SEMA6A: variants seen among roughly 807,000 people sequenced by gnomAD.
SEMA6A encodes the protein semaphorin 6A.
A neutral mutation model predicts 96.8 loss-of-function variants in SEMA6A; 25 were observed. The observed-to-expected ratio is 0.26, with a 90% CI of 0.19 to 0.36. SEMA6A has a LOEUF of 0.36. Among genes scored for constraint, SEMA6A ranks in the 10% least tolerant of loss-of-function variants. The pLI, the probability that SEMA6A is intolerant of heterozygous loss-of-function variation, is 1.00. For synonymous variants in SEMA6A, 612 were observed against 518.0 expected, an observed-to-expected ratio of 1.18 and a Z score of -2.46; for missense variants, 1,363 against 1,323.1, an observed-to-expected ratio of 1.03 and a Z score of -0.47.
intron 1 of SEMA6A, among the ~76,000 whole-genome samples, chr5:116,523,078 C>A (rs895711388): frequency 6.6e-6 from 1 of 152,114 alleles, no homozygotes; most frequent in African/African-American, 2.4e-5. Context: ...ATCCCAGTAC[C>A]CTTTCTGGGA....
At chr5:116,485,845 T>C (rs963823622) in intron 10 of SEMA6A, among the ~76,000 whole-genome samples, 3 of 152,230 alleles carry the variant, frequency 2.0e-5, no homozygotes, top group Non-Finnish European at 4.4e-5. Context: ...TAGGATCATT[T>C]TCACACAACA....
chr5:116,478,631 G>T lies in SEMA6A; in HGVS notation c.1338C>A (p.Ile446=). Residue 446 remains isoleucine, a synonymous_variant, in exon 13 of 19, where the codon ATC becomes ATA. Transcript: ENST00000343348. ...TVVFLGSEKG[I]ILKFLARIGN... Reference sequence around the variant, plus strand: ...CTATTCTGGCCAAAAACTTCAAGATGATTCCCTTCTCTGATCCCAGAAAAA... The same window carrying T: ...CTATTCTGGCCAAAAACTTCAAGATTATTCCCTTCTCTGATCCCAGAAAAA... The T allele has an allele frequency of 6.2e-7, 1 of 1,613,628 alleles. No homozygotes were observed. Among genetic ancestry groups the T allele is most frequent in the Non-Finnish European group, 8.5e-7 (1 of 1,179,774 alleles).
At chr5:116,513,774 T>G (rs1396801444) in intron 1 of SEMA6A, among the ~76,000 whole-genome samples, 1 of 152,138 alleles carries the variant, frequency 6.6e-6, no homozygotes, top group Admixed American at 6.5e-5. Context: ...ATGCTCTCCC[T>G]CCTTCCATGC....
intron 1 of SEMA6A, among the ~76,000 whole-genome samples, chr5:116,520,350 C>G (rs1238830307): frequency 6.6e-6 from 1 of 151,590 alleles, no homozygotes; most frequent in Admixed American, 6.6e-5. Flanking sequence ...TCCTCCCCTC[C>G]ACTAGAATGT....
chr5:116,545,240 G>T (rs375153490), intron 1 of SEMA6A, among the ~76,000 whole-genome samples: 40 of 152,290 alleles, frequency 2.6e-4, no homozygotes, highest in African/African-American at 8.9e-4. Flanking sequence ...ATGGAGACAG[G>T]ACACAGTAGC....
At position 116,480,222 on chromosome 5, in the gene SEMA6A, A is replaced by T; in HGVS notation, c.1150T>A (p.Phe384Ile). ...SLERYATSNE[F>I]PDDTLNFIKT... Reference sequence around the variant, plus strand: ...ATGAAGTTCAGGGTATCATCAGGGAACTCATTGGAGGTTGCATATCTTTCT... The same window carrying T: ...ATGAAGTTCAGGGTATCATCAGGGATCTCATTGGAGGTTGCATATCTTTCT... The change falls in exon 12 of 19, where the codon TTC becomes ATC. Residue 384 changes from phenylalanine (F) to isoleucine (I), a missense_variant. By Grantham distance (21) the Phe-to-Ile change is conservative. Transcript: ENST00000343348. 5 of 1,613,806 alleles carry T rather than the reference A, an allele frequency of 3.1e-6. No homozygotes were observed. Among genetic ancestry groups the T allele is most frequent in the Non-Finnish European group, 3.4e-6 (4 of 1,179,774 alleles).
At chr5:116,456,560 A>G (rs1479270973) in intron 18 of SEMA6A, among the ~76,000 whole-genome samples, 1 of 152,164 alleles carries the variant, frequency 6.6e-6, no homozygotes, top group East Asian at 1.9e-4. Flanking sequence ...AAAAGAATCA[A>G]CCCAATTTGC....
intron 1 of SEMA6A, among the ~76,000 whole-genome samples, chr5:116,533,512 C>A (rs946214475): frequency 6.6e-6 from 1 of 152,132 alleles, no homozygotes; most frequent in Non-Finnish European, 1.5e-5. Context: ...ATTTAGAAAG[C>A]CCTTTTTATT....
At chr5:116,566,138 A>AT (rs765370419) in intron 1 of SEMA6A, among the ~76,000 whole-genome samples, 52 of 152,302 alleles carry the variant, frequency 3.4e-4, no homozygotes, top group Middle Eastern at 6.8e-3. Context: ...TTTTCATTGT[A>AT]TTTAATGCCA....
At chr5:116,570,808 C>G (rs898057432) in intron 1 of SEMA6A, among the ~76,000 whole-genome samples, 2 of 152,214 alleles carry the variant, frequency 1.3e-5, no homozygotes, top group Non-Finnish European at 2.9e-5. Flanking sequence ...AGGAGTGCAA[C>G]TACCCATTTA....
At chr5:116,573,704 G>A (rs1440349269) in intron 1 of SEMA6A, among the ~76,000 whole-genome samples, 1 of 152,042 alleles carries the variant, frequency 6.6e-6, no homozygotes, top group Non-Finnish European at 1.5e-5. Flanking sequence ...CTCCCACCTG[G>A]CACTGGACGA....
intron 18 of SEMA6A, among the ~76,000 whole-genome samples, chr5:116,457,911 G>A (rs1431098658): frequency 4.6e-5 from 7 of 152,062 alleles, no homozygotes; most frequent in Admixed American, 2.6e-4. Flanking sequence ...TGTCTTTCCA[G>A]GATAATGGCA....
At chr5:116,571,091 C>T (rs930918500) in intron 1 of SEMA6A, among the ~76,000 whole-genome samples, 1 of 152,138 alleles carries the variant, frequency 6.6e-6, no homozygotes, top group African/African-American at 2.4e-5. Context: ...CTTATCATAA[C>T]CACTCACTTG....
At chr5:116,507,759 T>A (rs1351860503) in intron 1 of SEMA6A, among the ~76,000 whole-genome samples, 2 of 152,202 alleles carry the variant, frequency 1.3e-5, no homozygotes, top group Admixed American at 6.5e-5. Flanking sequence ...ATGAAAACAT[T>A]TACTTCATAA....
Position 116,501,582 on chromosome 5 carries a change from C to A in SEMA6A, c.218+628G>T, listed in dbSNP as rs145518530. Reference sequence around the variant, plus strand: ...TATATAATACATGTTTACACATTCACCTTAATTTAACAAATAAGTATTAGG... The same window carrying A: ...TATATAATACATGTTTACACATTCAACTTAATTTAACAAATAAGTATTAGG... On this transcript the variant is annotated intron_variant, in intron 3 of 18. Transcript: ENST00000343348. Among the ~76,000 whole-genome samples the A allele has an allele frequency of 3.3e-3, 508 of 152,306 alleles. 5 individuals are homozygous for A. The highest frequency in any genetic ancestry group is 0.012 in the African/African-American group (489 of 41,564).
chr5:116,515,233 G>C (rs1758614122), intron 1 of SEMA6A, among the ~76,000 whole-genome samples: 1 of 152,150 alleles, frequency 6.6e-6, no homozygotes, highest in Non-Finnish European at 1.5e-5. Flanking sequence ...TCAAGCATTT[G>C]TCTGAAGTAA....
chr5:116,456,938 A>AACTC (rs1755049181), intron 18 of SEMA6A, among the ~76,000 whole-genome samples: 1 of 152,224 alleles, frequency 6.6e-6, no homozygotes, highest in Non-Finnish European at 1.5e-5. Context: ...AGAGAAAAGA[A>AACTC]ACTCACGAAG....
intron 18 of SEMA6A, among the ~76,000 whole-genome samples, chr5:116,448,852 A>G (rs1299123403): frequency 6.6e-6 from 1 of 151,792 alleles, no homozygotes; most frequent in Admixed American, 6.6e-5. Flanking sequence ...AAGAAGATTC[A>G]GAAATAAGAC....
chr5:116,559,323 CCTGG>C (rs1760721637), intron 1 of SEMA6A, among the ~76,000 whole-genome samples: 1 of 152,188 alleles, frequency 6.6e-6, no homozygotes, highest in Non-Finnish European at 1.5e-5. Flanking sequence ...GTCCGCAAGG[CCTGG>C]TGCGTCGCCC....
Sources: gnomAD v4.1 joint callset for allele counts (sites outside exome capture counted in the v4.1 genomes callset) on GRCh38, gnomAD v4.1.1 for gene constraint, MANE v1.5 for transcripts, NCBI Gene and HGNC (gene_info 2026-07-23, HGNC 2026-07-21) for gene names.